The following EIF5B variants were observed in gnomAD, a reference collection of about 807,000 sequenced individuals.
The protein encoded by EIF5B is eukaryotic translation initiation factor 5B, also known as eIF-5B.
EIF5B carries 47 observed loss-of-function variants against 147.5 expected under a neutral mutation model. The observed-to-expected ratio is 0.32, with a 90% CI of 0.25 to 0.41. The LOEUF (loss-of-function observed/expected upper bound fraction) is 0.41. Ranked by LOEUF, EIF5B falls within the 10% of genes least tolerant of loss-of-function variation. EIF5B has a pLI of 1.00. For missense variants in EIF5B, 1,064 were observed against 1,413.2 expected, an observed-to-expected ratio of 0.75 and a Z score of 3.96; for synonymous variants, 455 against 456.2, an observed-to-expected ratio of 1.00 and a Z score of 0.03.
Position 99,399,515 on chromosome 2 carries a change from T to G in EIF5B, c.*101T>G. On this transcript the variant is annotated 3_prime_UTR_variant, in exon 24 of 24. Coordinates refer to ENST00000289371, the MANE Select transcript of EIF5B (RefSeq NM_015904.4). ...TGGAACAGACGTATTTGGACACTGA[T>G]GGACTTAAGTATGGAAGGAAGAAAA... The G allele has an allele frequency of 9.4e-7, 1 of 1,062,672 alleles. No homozygotes were observed. Among genetic ancestry groups the G allele is most frequent in the Non-Finnish European group, 1.4e-6 (1 of 716,002 alleles). The allele number at this position is 1,062,672 out of a possible 1,614,324, so 65.8% of individuals were successfully genotyped here. A position where few individuals can be genotyped will look rare whatever the true frequency, so the allele number is the denominator to read the frequency against.
At chr2:99,339,772 A>C (rs1435457676) in intron 1 of EIF5B, among the ~76,000 whole-genome samples, 1 of 152,186 alleles carries the variant, frequency 6.6e-6, no homozygotes, top group Non-Finnish European at 1.5e-5. Flanking sequence ...TTTTAGGGAA[A>C]AGTGAGTGTC....
chr2:99,390,427 GT>G (rs58344028), intron 16 of EIF5B, 26 bp downstream of exon 16: 28,794 of 1,335,142 alleles, frequency 0.022, no homozygotes, highest in East Asian at 0.053. Context: ...TCAGTTTATT[GT>G]TTTTTTTTTT....
intron 6 of EIF5B, among the ~76,000 whole-genome samples, chr2:99,365,845 C>T (rs376991986): frequency 2.6e-4 from 40 of 152,224 alleles, no homozygotes; most frequent in African/African-American, 9.4e-4. Flanking sequence ...CAAGGTTCCC[C>T]CCCACCCACA....
At chr2:99,340,572 T>G (rs941497118) in intron 1 of EIF5B, 1 of 152,228 alleles carries the variant, frequency 6.6e-6, no homozygotes, top group Non-Finnish European at 1.5e-5. Context: ...TCACTGTCCT[T>G]AATTCTTATA....
intron 1 of EIF5B, among the ~76,000 whole-genome samples, chr2:99,342,574 T>C (rs905362545): frequency 2.6e-5 from 4 of 152,012 alleles, no homozygotes; most frequent in East Asian, 3.8e-4. Context: ...ATGTAATCAT[T>C]CCTCCCCCTC....
At chr2:99,390,183 T>G in intron 15 of EIF5B, 36 bp from the exon 16 acceptor site, 1 of 1,612,084 alleles carries the variant, frequency 6.2e-7, no homozygotes, top group Non-Finnish European at 8.5e-7. Flanking sequence ...TACGTTTTCT[T>G]TACAGCCTGG....
At chr2:99,343,456 G>T (rs182063322) in intron 1 of EIF5B, among the ~76,000 whole-genome samples, 3 of 152,050 alleles carry the variant, frequency 2.0e-5, no homozygotes, top group Non-Finnish European at 4.4e-5. Context: ...TTGCATTTTG[G>T]TGTTGTATCT....
intron 22 of EIF5B, 21 bp downstream of exon 22, chr2:99,396,919 C>T: frequency 6.3e-7 from 1 of 1,582,760 alleles, no homozygotes; most frequent in Non-Finnish European, 8.5e-7. Context: ...GTTGTACATT[C>T]TGTGGGTCAT....
intron 9 of EIF5B, among the ~76,000 whole-genome samples, chr2:99,373,601 T>G (rs189916928): frequency 6.6e-6 from 1 of 152,300 alleles, no homozygotes; most frequent in African/African-American, 2.4e-5. Flanking sequence ...GGGACACCAT[T>G]TACAAATCAC....
At chr2:99,386,400 C>A (rs1462968224) in intron 14 of EIF5B, among the ~76,000 whole-genome samples, 2 of 151,760 alleles carry the variant, frequency 1.3e-5, no homozygotes, top group Non-Finnish European at 2.9e-5. Flanking sequence ...TCCTTTTTCA[C>A]TTGTATGTAC....
chr2:99,385,231 A>C (rs1170667457), intron 14 of EIF5B, among the ~76,000 whole-genome samples: 2 of 152,096 alleles, frequency 1.3e-5, no homozygotes, highest in African/African-American at 4.8e-5. Context: ...TTTTTGGTAG[A>C]GATGGGGTTT....
intron 3 of EIF5B, 95 bp downstream of exon 3, chr2:99,360,644 A>C (rs964780539): frequency 1.1e-5 from 13 of 1,157,162 alleles, no homozygotes; most frequent in Middle Eastern, 2.0e-4. Context: ...ACTTTTGAGC[A>C]GTGTACAATA....
intron 23 of EIF5B, 186 bp from the exon 24 acceptor site, chr2:99,399,121 G>C: frequency 1.3e-6 from 1 of 770,148 alleles, no homozygotes; most frequent in Non-Finnish European, 2.0e-6. Context: ...AGGACTTTTA[G>C]GTCCCCTCGT....
chr2:99,400,297 TCCTA>T lies in EIF5B; in HGVS notation c.*884_*887del, dbSNP rs1675200891. 1.3e-5 allele frequency: 2 copies of T among 151,848 alleles called. No individual in the cohort carries two copies. Among genetic ancestry groups the T allele is most frequent in the Non-Finnish European group, 2.9e-5 (2 of 67,970 alleles). 9.4% of individuals were successfully genotyped at this position (151,848 alleles called of 1,614,324 possible). A position where few individuals can be genotyped will look rare whatever the true frequency, so the allele number is the denominator to read the frequency against. On this transcript the variant is annotated 3_prime_UTR_variant, in exon 24 of 24. Transcript: ENST00000289371. ...TCTGTTTTAATCTTGATCTGTTTTG[TCCTA>T]GAAAATTCCATCATACACACATTTC...
At chr2:99,392,394 T>C (rs1674956995) in intron 17 of EIF5B, among the ~76,000 whole-genome samples, 1 of 152,214 alleles carries the variant, frequency 6.6e-6, no homozygotes, top group South Asian at 2.1e-4. Flanking sequence ...CATCTCTTGA[T>C]GTGTTTGTGC....
intron 8 of EIF5B, among the ~76,000 whole-genome samples, chr2:99,370,336 G>A (rs1207490875): frequency 6.6e-6 from 1 of 152,150 alleles, no homozygotes; most frequent in Admixed American, 6.5e-5. Flanking sequence ...TGTATGTTTG[G>A]TATTCAAGAG....
At chr2:99,381,072 A>G (rs796366113) in intron 12 of EIF5B, among the ~76,000 whole-genome samples, 6 of 152,184 alleles carry the variant, frequency 3.9e-5, no homozygotes, top group South Asian at 2.1e-4. Context: ...TTTTCCAGTT[A>G]TGTGGTGTTC....
chr2:99,337,599 G>C lies in EIF5B; in HGVS notation c.35+10G>C, dbSNP rs574649782. ...ACAAGAGCGAAGACAGGTAGATAGG[G>C]GTTGGGTCCGTACGGCGGCGGCCGC... On this transcript the variant is annotated intron_variant, in intron 1 of 23. Transcript: ENST00000289371. The C allele has an allele frequency of 4.3e-6, 7 of 1,610,964 alleles. No individual in the cohort carries two copies. The East Asian group carries it at 1.3e-4, about 31-fold the overall frequency.
At chr2:99,357,263 A>G (rs1559246957) in intron 1 of EIF5B, among the ~76,000 whole-genome samples, 1 of 152,296 alleles carries the variant, frequency 6.6e-6, no homozygotes, top group South Asian at 2.1e-4. Context: ...TTTCATAGCT[A>G]TGTTTGAATT....
Sources: allele counts gnomAD v4.1 joint callset (sites outside exome capture counted in the v4.1 genomes callset), GRCh38; gene constraint gnomAD v4.1.1; transcripts MANE v1.5; gene names NCBI Gene and HGNC (gene_info 2026-07-23, HGNC 2026-07-21).